The following KIF21A variants were observed in gnomAD, a reference collection of about 807,000 sequenced individuals.
The protein encoded by KIF21A is kinesin-like protein KIF21A.
In KIF21A, 114 loss-of-function variants were observed where a neutral mutation model predicts 202.9. The observed-to-expected ratio is 0.56, with a 90% CI of 0.48 to 0.66. The LOEUF (loss-of-function observed/expected upper bound fraction) is 0.66, where lower values mean the gene tolerates loss of function less well. Ranked by LOEUF, KIF21A falls within the 30% of genes least tolerant of loss-of-function variation. The pLI is 0.00. For missense variants in KIF21A, 1,677 were observed against 1,994.9 expected (o/e 0.84, Z 3.04); for synonymous variants, 667 against 670.8 (o/e 0.99, Z 0.09).
At chr12:39,395,200 C>G (rs1421667500) in intron 1 of KIF21A, among the ~76,000 whole-genome samples, 1 of 152,156 alleles carries the variant, frequency 6.6e-6, no homozygotes, top group Non-Finnish European at 1.5e-5. Context: ...TTAAAAACAT[C>G]AAATTTAGTA....
chr12:39,408,424 G>C lies in KIF21A; in HGVS notation c.44+34503C>G, dbSNP rs570645187. Among the ~76,000 whole-genome samples, 16 of 152,164 alleles carry C rather than the reference G, an allele frequency of 1.1e-4. No homozygotes were observed. In the East Asian group the frequency reaches 3.1e-3, roughly 29 times the overall value. On this transcript the variant is annotated intron_variant, in intron 1 of 37. Coordinates refer to ENST00000361418, the MANE Select transcript of KIF21A (RefSeq NM_001173464.2). The stretch of plus-strand genomic sequence containing the variant: ...CCTGCTGTGTGCCTGGTTCCTAGCA[G>C]GCCACAGACTGGTAACAGTTCCTAG...
Position 39,442,499 on chromosome 12 carries a change from C to A in KIF21A, c.44+428G>T, listed in dbSNP as rs1156718883. On this transcript the variant is annotated intron_variant, in intron 1 of 37. Transcript: ENST00000361418. The surrounding 1 kb of genome is among the most constrained non-coding windows in gnomAD (Gnocchi z 5.0). ...TGGGAAGGCCGGAGCTGCATGGACA[C>A]GTATGACAGACATTCTAGAACTAAT... Among the ~76,000 whole-genome samples the A allele has an allele frequency of 6.6e-6, 1 of 152,122 alleles. No individual in the cohort carries two copies. Among genetic ancestry groups the A allele is most frequent in the Non-Finnish European group, 1.5e-5 (1 of 68,018 alleles).
At chr12:39,404,335 AC>A (rs1952416833) in intron 1 of KIF21A, among the ~76,000 whole-genome samples, 2 of 152,306 alleles carry the variant, frequency 1.3e-5, no homozygotes, top group South Asian at 4.1e-4. Context: ...TTTCCAACTG[AC>A]CTTATTAACA....
intron 30 of KIF21A, 163 bp downstream of exon 30, chr12:39,315,768 AC>A: frequency 1.4e-6 from 1 of 718,000 alleles, no homozygotes. Context: ...AGGTATGACC[AC>A]AAAAATGTAT....
chr12:39,383,288 A>G (rs920014768), intron 1 of KIF21A, among the ~76,000 whole-genome samples: 3 of 152,236 alleles, frequency 2.0e-5, no homozygotes, highest in African/African-American at 7.2e-5. Context: ...CAATTTGAGT[A>G]TTAGGAATTG....
chr12:39,371,327 G>A (rs1463446414), intron 1 of KIF21A, among the ~76,000 whole-genome samples: 1 of 152,068 alleles, frequency 6.6e-6, no homozygotes, highest in Non-Finnish European at 1.5e-5. Flanking sequence ...ATTATTATGA[G>A]TTGCCTTTCC....
intron 1 of KIF21A, among the ~76,000 whole-genome samples, chr12:39,436,011 C>G (rs1938630395): frequency 6.6e-6 from 1 of 151,974 alleles, no homozygotes; most frequent in African/African-American, 2.4e-5. Context: ...GTTTCTACCC[C>G]TGCGGTTCCT....
chr12:39,391,303 A>G (rs1951330443), intron 1 of KIF21A, among the ~76,000 whole-genome samples: 1 of 151,010 alleles, frequency 6.6e-6, no homozygotes, highest in Non-Finnish European at 1.5e-5. Context: ...ATTCAATAAA[A>G]AAAATTTTTT....
intron 1 of KIF21A, among the ~76,000 whole-genome samples, chr12:39,390,928 T>C (rs1038183206): frequency 2.6e-5 from 4 of 152,318 alleles, no homozygotes; most frequent in South Asian, 4.1e-4. Flanking sequence ...TTCAAGCCAA[T>C]GCATGTCTTA....
chr12:39,416,741 A>ATATATATGTACATATATATGTG (rs1953726929), intron 1 of KIF21A, among the ~76,000 whole-genome samples: 4 of 134,198 alleles, frequency 3.0e-5, no homozygotes, highest in African/African-American at 6.0e-5. Context: ...ATATGTGTAT[A>ATATATATGTACATATATATGTG]TATATATGTA....
chr12:39,389,223 C>T (rs990231745), intron 1 of KIF21A, among the ~76,000 whole-genome samples: 13 of 148,336 alleles, frequency 8.8e-5, no homozygotes, highest in Non-Finnish European at 1.8e-4. Flanking sequence ...TATATACATA[C>T]ATGCTGATGT....
intron 36 of KIF21A, among the ~76,000 whole-genome samples, chr12:39,302,325 CTTGT>C (rs147428080): frequency 0.065 from 9,848 of 152,010 alleles, 1,050 homozygotes; most frequent in African/African-American, 0.23. Flanking sequence ...ATTTATGTTT[CTTGT>C]TTGTTTGGTT....
chr12:39,332,284 GCAGT>G lies in KIF21A; in HGVS notation c.2977_2980del (p.Thr993LeufsTer17). ...ACTGTCATTGATGTAATCGATATTA[GCAGT>G]CAGTGACTCCATCTCTTCATTGATA... On this transcript the variant is annotated frameshift_variant, in exon 21 of 38. Coordinates refer to ENST00000361418, the MANE Select transcript of KIF21A (RefSeq NM_001173464.2). LOFTEE classifies it high-confidence loss of function. 4 of 1,613,512 alleles carry G rather than the reference GCAGT, an allele frequency of 2.5e-6. No homozygotes were observed. The highest frequency in any genetic ancestry group is 3.4e-6 in the Non-Finnish European group (4 of 1,179,650).
intron 17 of KIF21A, 152 bp downstream of exon 17, chr12:39,336,944 G>A: frequency 3.1e-6 from 2 of 636,016 alleles, no homozygotes; most frequent in Non-Finnish European, 5.6e-6. Flanking sequence ...TCCACATACT[G>A]TAATAAATGA....
chr12:39,301,342 A>T (rs1046794727), intron 37 of KIF21A, 138 bp downstream of exon 37: 2 of 805,682 alleles, frequency 2.5e-6, no homozygotes, highest in East Asian at 5.3e-5. Flanking sequence ...GAAAATATGA[A>T]TAAGACATCT....
chr12:39,387,590 T>C (rs1162306001), intron 1 of KIF21A, among the ~76,000 whole-genome samples: 1 of 152,204 alleles, frequency 6.6e-6, no homozygotes, highest in Non-Finnish European at 1.5e-5. Context: ...TTTATCTTGC[T>C]TCTCCTCTGC....
intron 7 of KIF21A, among the ~76,000 whole-genome samples, chr12:39,360,510 C>T (rs1949129400): frequency 6.6e-6 from 1 of 152,044 alleles, no homozygotes; most frequent in Non-Finnish European, 1.5e-5. Context: ...CTGCCTCAGC[C>T]TCCCAAGTAG....
rs1476695099 is a variant in KIF21A at position 39,369,887 on chromosome 12, T to C, written c.292A>G (p.Met98Val). ...ATGTTAACATCAAATCCTGTTCCCA[T>C]TGTGTATGTTTTACCAGCTCCAGTC... ...GQTGAGKTYT[M>V]GTGFDVNIVE... The change falls in exon 3 of 38, where the codon ATG (methionine) becomes GTG (valine). Residue 98 changes from methionine to valine, a missense_variant. Around this residue, in one of 3 missense-constraint regions of KIF21A, gnomAD observed 966 missense variants for 1,180.9 expected, o/e 0.82. Coordinates refer to ENST00000361418, the MANE Select transcript of KIF21A (RefSeq NM_001173464.2). 6.2e-7 allele frequency: 1 copy of C among 1,613,532 alleles called. No individual in the cohort carries two copies. The highest frequency in any genetic ancestry group is 8.5e-7 in the Non-Finnish European group (1 of 1,179,652).
chr12:39,440,339 G>A (rs1005060941), intron 1 of KIF21A, among the ~76,000 whole-genome samples: 2 of 152,154 alleles, frequency 1.3e-5, no homozygotes, highest in Admixed American at 1.3e-4. Flanking sequence ...AAGCTATCTG[G>A]GTTGGAACCC....
Sources: gnomAD v4.1 joint callset for allele counts (sites outside exome capture counted in the v4.1 genomes callset) on GRCh38, gnomAD v4.1.1 for gene constraint, gnomAD v4.1.1 regional missense constraint, Gnocchi (gnomAD v3.1) non-coding constraint, MANE v1.5 for transcripts, NCBI Gene and HGNC (gene_info 2026-07-23, HGNC 2026-07-21) for gene names.